The following RYR2 variants were observed in gnomAD, a reference collection of about 807,000 sequenced individuals.
RYR2 encodes the protein ryanodine receptor 2, also known as cardiac muscle ryanodine receptor-calcium release channel.
A neutral mutation model predicts 601.1 loss-of-function variants in RYR2; 227 were observed. The ratio of observed to expected loss-of-function variants is 0.38; its 90% CI spans 0.34 to 0.42. The LOEUF (loss-of-function observed/expected upper bound fraction) is 0.42, where lower values mean the gene tolerates loss of function less well. Ranked by LOEUF, RYR2 falls within the 10% of genes least tolerant of loss-of-function variation. The pLI is 1.00. For synonymous variants in RYR2, 2,223 were observed against 2,175.1 expected, an observed-to-expected ratio of 1.02 and a Z score of -0.61; for missense variants, 4,646 against 6,156.5, an observed-to-expected ratio of 0.75 and a Z score of 8.21.
intron 1 of RYR2, among the ~76,000 whole-genome samples, chr1:237,170,387 T>A (rs1250043242): frequency 1.3e-5 from 2 of 152,002 alleles, no homozygotes; most frequent in Non-Finnish European, 2.9e-5. Context: ...CTGTAGAAGG[T>A]GGAAGGGAGA....
At chr1:237,370,385 T>G (rs1380059278) in intron 6 of RYR2, among the ~76,000 whole-genome samples, 2 of 151,950 alleles carry the variant, frequency 1.3e-5, no homozygotes, top group African/African-American at 4.8e-5. Flanking sequence ...TACTGTATTA[T>G]AATAAAGTAA....
Position 237,396,990 on chromosome 1 carries a change from C to T in RYR2, c.773+8807C>T, listed in dbSNP as rs148690025. On this transcript the variant is annotated intron_variant, in intron 10 of 104. Transcript: ENST00000366574. Reference sequence around the variant, plus strand: ...CTATAAAAGAAAAAATTAGGCTGGACGCAGTGGCTCACACCTGTAATCCCA... The same window carrying T: ...CTATAAAAGAAAAAATTAGGCTGGATGCAGTGGCTCACACCTGTAATCCCA... 2.7e-3 allele frequency among the ~76,000 whole-genome samples: 418 copies of T among 152,142 alleles called. 6 individuals are homozygous for T. The highest frequency in any genetic ancestry group is 9.4e-3 in the African/African-American group (391 of 41,516).
At chr1:237,482,170 CTTCTTT>C (rs1195948354) in intron 17 of RYR2, among the ~76,000 whole-genome samples, 2 of 152,062 alleles carry the variant, frequency 1.3e-5, no homozygotes. Flanking sequence ...TCAAGCATTT[CTTCTTT>C]GAGTTACAAG....
At chr1:237,154,286 A>C (rs1675064884) in intron 1 of RYR2, among the ~76,000 whole-genome samples, 1 of 152,240 alleles carries the variant, frequency 6.6e-6, no homozygotes, top group Non-Finnish European at 1.5e-5. Flanking sequence ...GACACAAATA[A>C]GAGGCTTTAT....
At chr1:237,354,381 C>T (rs1699121062) in intron 3 of RYR2, among the ~76,000 whole-genome samples, 1 of 151,814 alleles carries the variant, frequency 6.6e-6, no homozygotes, top group Admixed American at 6.6e-5. Context: ...GAATGTCTGA[C>T]ATGCAGAAGT....
Position 237,610,681 on chromosome 1 carries a change from C to T in RYR2, c.4684-81C>T. 1 of 1,113,780 alleles carries T rather than the reference C, an allele frequency of 9.0e-7. No individual in the cohort carries two copies. The highest frequency in any genetic ancestry group is 1.3e-6 in the Non-Finnish European group (1 of 768,760). The allele number at this position is 1,113,780 out of a possible 1,614,324, so 69.0% of individuals were successfully genotyped here. On this transcript the variant is annotated intron_variant, in intron 35 of 104. Transcript: ENST00000366574. This position sits in a 1 kb window ranked among gnomAD's most constrained non-coding sequence, Gnocchi z 4.9. ...TTATCTTACTTTCCCTGTCTCTGTC[C>T]TGTGCAGAATTCTAGTCATTACTTT...
rs536327540 is a variant in RYR2 at position 237,228,808 on chromosome 1, A to G, written c.49-41689A>G. 1.2e-3 allele frequency among the ~76,000 whole-genome samples: 181 copies of G among 152,324 alleles called. 2 individuals carry two copies. The highest frequency in any genetic ancestry group is 0.012 in the Admixed American group (179 of 15,294). ...AGAACCTGCACTGTTCAAAATGTAA[A>G]TTAAGTGTTATCAGATGCCCATTGC... On this transcript the variant is annotated intron_variant, in intron 1 of 104. Transcript: ENST00000366574.
At chr1:237,263,361 G>A (rs1321703860) in intron 1 of RYR2, among the ~76,000 whole-genome samples, 2 of 152,188 alleles carry the variant, frequency 1.3e-5, no homozygotes, top group Non-Finnish European at 2.9e-5. Context: ...CACAGTGTTA[G>A]ACAATAGAGA....
intron 92 of RYR2, among the ~76,000 whole-genome samples, chr1:237,791,029 CTT>C (rs1658323322): frequency 6.6e-6 from 1 of 152,124 alleles, no homozygotes; most frequent in Non-Finnish European, 1.5e-5. Context: ...TTGACACACT[CTT>C]TCTTTCCCCA....
intron 2 of RYR2, among the ~76,000 whole-genome samples, chr1:237,299,036 T>C (rs566687767): frequency 3.6e-4 from 55 of 152,240 alleles, no homozygotes; most frequent in African/African-American, 1.3e-3. Flanking sequence ...TTGTATCATA[T>C]GCATGCCTCT....
intron 2 of RYR2, among the ~76,000 whole-genome samples, chr1:237,272,733 G>A (rs981215587): frequency 2.0e-5 from 3 of 151,078 alleles, no homozygotes; most frequent in Non-Finnish European, 4.4e-5. Flanking sequence ...TGAACTAAAA[G>A]AAATTAAAAA....
chr1:237,230,544 T>C (rs1309561074), intron 1 of RYR2, among the ~76,000 whole-genome samples: 3 of 152,248 alleles, frequency 2.0e-5, no homozygotes, highest in African/African-American at 7.2e-5. Flanking sequence ...GTTATCTTTT[T>C]ACCAAATGCA....
chr1:237,608,738 T>C (rs1677434619), intron 35 of RYR2, among the ~76,000 whole-genome samples: 2 of 150,476 alleles, frequency 1.3e-5, no homozygotes, highest in Admixed American at 6.6e-5. Flanking sequence ...AGGAGCCATG[T>C]GACAGTGAAT....
intron 63 of RYR2, among the ~76,000 whole-genome samples, chr1:237,689,336 T>A (rs897296830): frequency 6.6e-6 from 1 of 152,162 alleles, no homozygotes; most frequent in African/African-American, 2.4e-5. Context: ...TAATCATAGC[T>A]CAAGCCAAGA....
At chr1:237,831,663 A>C in intron 104 of RYR2, 98 bp downstream of exon 104, 1 of 696,638 alleles carries the variant, frequency 1.4e-6, no homozygotes, top group Non-Finnish European at 2.5e-6. Flanking sequence ...GCACGGAATT[A>C]CTTTCAGATA....
At chr1:237,545,205 T>C (rs748093820) in intron 25 of RYR2, among the ~76,000 whole-genome samples, 2 of 152,222 alleles carry the variant, frequency 1.3e-5, no homozygotes, top group African/African-American at 2.4e-5. Flanking sequence ...GAAATCTGTA[T>C]GGGAAGAAAA....
chr1:237,789,444 A>G (rs1217210217), intron 92 of RYR2, among the ~76,000 whole-genome samples: 3 of 125,032 alleles, frequency 2.4e-5, no homozygotes, highest in Non-Finnish European at 5.2e-5. Flanking sequence ...TTCACTGAAC[A>G]GAAATGTTTC....
Position 237,380,388 on chromosome 1 carries a change from ATATATATATATATATATAT to A in RYR2, c.576+2954_576+2972del, listed in dbSNP as rs1701384197. ...TATATATATATATATATATATATAT[ATATATATATATATATATAT>A]ATATATATATATATAGTAAATACGA... On this transcript the variant is annotated intron_variant, in intron 8 of 104. Transcript: ENST00000366574. 1.1e-4 allele frequency among the ~76,000 whole-genome samples: 3 copies of A among 28,552 alleles called. No homozygotes were observed. In the South Asian group the frequency reaches 2.8e-3, roughly 27 times the overall value. The allele number at this position is 28,552 out of a possible 152,430, so 18.7% of individuals were successfully genotyped here.
intron 43 of RYR2, among the ~76,000 whole-genome samples, chr1:237,634,617 C>T (rs1026630980): frequency 6.6e-5 from 10 of 152,266 alleles, no homozygotes; most frequent in African/African-American, 2.4e-4. Context: ...GTTTTCACCA[C>T]ACAAAAGTGT....
Sources: gnomAD v4.1 joint callset for allele counts (sites outside exome capture counted in the v4.1 genomes callset) on GRCh38, gnomAD v4.1.1 for gene constraint, Gnocchi (gnomAD v3.1) non-coding constraint, MANE v1.5 for transcripts, NCBI Gene and HGNC (gene_info 2026-07-23, HGNC 2026-07-21) for gene names.